KRT37: variants seen among roughly 807,000 people sequenced by gnomAD.
KRT37 encodes the protein keratin, type I cuticular Ha7.
KRT37 carries 38 observed loss-of-function variants against 41.9 expected under a neutral mutation model. The observed-to-expected ratio is 0.91, with a 90% CI of 0.70 to 1.19. The LOEUF is 1.19. Ranked by LOEUF, KRT37 falls within the 50% of genes most tolerant of loss-of-function variation. KRT37 has a pLI of 0.00. For missense variants in KRT37, 580 were observed against 575.5 expected, an observed-to-expected ratio of 1.01 and a Z score of -0.08; for synonymous variants, 252 against 243.4, an observed-to-expected ratio of 1.04 and a Z score of -0.33.
Position 41,423,744 on chromosome 17 carries a change from C to T in KRT37, c.575+18G>A. 6.2e-7 allele frequency: 1 copy of T among 1,610,912 alleles called. No individual in the cohort carries two copies. Among genetic ancestry groups the T allele is most frequent in the East Asian group, 2.2e-5 (1 of 44,874 alleles). On this transcript the variant is annotated intron_variant, in intron 2 of 6. Transcript: ENST00000225550. ...CAGCAGGAGAGAAGTCACACTGACC[C>T]TCCTCATCCTGACTTACTTGATCCT...
chr17:41,424,392 G>A lies in KRT37; in HGVS notation c.132C>T (p.Cys44=), dbSNP rs753314094. ...PVAEANAASM[C]LLANVAHANR... is the part of the protein sequence containing the mutation. ...TGGCGTGTGCCACGTTGGCCAAGAG[G>A]CACATGGAGGCAGCATTGGCCTCTG... is the stretch of plus-strand genomic sequence containing the variant. The change falls in exon 1 of 7, where the codon TGC becomes TGT. Residue 44 remains cysteine, a synonymous_variant. Coordinates refer to ENST00000225550, the MANE Select transcript of KRT37 (RefSeq NM_003770.5). 4 of 1,613,782 alleles carry A rather than the reference G, an allele frequency of 2.5e-6. No homozygotes were observed. Among genetic ancestry groups the A allele is most frequent in the Non-Finnish European group, 3.4e-6 (4 of 1,179,726 alleles).
At position 41,422,854 on chromosome 17, in the gene KRT37, A is replaced by G. The variant is rs556300252; in HGVS notation, c.656T>C (p.Leu219Pro). 1.9e-6 allele frequency: 3 copies of G among 1,614,110 alleles called. No homozygotes were observed. In the South Asian group the frequency reaches 3.3e-5, roughly 18 times the overall value. ...CTGGGCCTCCAGGTCGGCCTTGGCC[A>G]GGGTCGCGTCATCCAGGAGCTTCTG... is the stretch of plus-strand genomic sequence containing the variant. ...GTQKLLDDAT[L>P]AKADLEAQQE... is the part of the protein sequence containing the mutation. Residue 219 changes from leucine to proline, a missense_variant, in exon 3 of 7, where the codon CTG becomes CCG. Leu to Pro is a moderately conservative substitution (Grantham distance 98, BLOSUM62 -3). Transcript: ENST00000225550.
intron 5 of KRT37, 49 bp from the exon 6 acceptor site, chr17:41,421,636 G>T: frequency 1.3e-6 from 2 of 1,572,954 alleles, no homozygotes; most frequent in Non-Finnish European, 1.7e-6. Context: ...CCAAAACTCA[G>T]CAGTGAAAAT....
chr17:41,423,275 C>A, intron 2 of KRT37: 1 of 299,010 alleles, frequency 3.3e-6, no homozygotes, highest in East Asian at 5.9e-5. Context: ...AAAAATAAGC[C>A]TCTGGACCTT....
In KRT37 at chr17:41,424,084, A is replaced by G. The variant is rs564009185; in HGVS notation, c.440T>C (p.Val147Ala). 50 of 1,614,192 alleles carry G rather than the reference A, an allele frequency of 3.1e-5. No homozygotes were observed. The South Asian group carries it at 4.4e-4, about 14-fold the overall frequency. ...LERSKCHEST[V>A]CPDYQSYFRT... is the part of the protein sequence containing the mutation. The stretch of plus-strand genomic sequence containing the variant: ...GAAGTAGGACTGGTAGTCGGGGCAC[A>G]CGGTGGACTCGTGGCACTTGCTCCT... Residue 147 changes from valine (V) to alanine (A), a missense_variant, in exon 1 of 7, where the codon GTG becomes GCG. Coordinates refer to ENST00000225550, the MANE Select transcript of KRT37 (RefSeq NM_003770.5).
intron 2 of KRT37, chr17:41,423,244 T>G: frequency 2.9e-6 from 1 of 344,292 alleles, no homozygotes; most frequent in Non-Finnish European, 5.2e-6. Flanking sequence ...AGGAGTCATT[T>G]GGCCAGGAAA....
At chr17:41,423,559 C>G in intron 2 of KRT37, 1 of 571,526 alleles carries the variant, frequency 1.7e-6, no homozygotes, top group Admixed American at 3.1e-5. Flanking sequence ...GACTACAGCC[C>G]TTCTTTTTCT....
chr17:41,422,500 A>G (rs1567690591), intron 3 of KRT37, 66 bp from the exon 4 acceptor site: 1 of 1,582,690 alleles, frequency 6.3e-7, no homozygotes, highest in Non-Finnish European at 8.6e-7. Flanking sequence ...AGACAGCACC[A>G]GGACTCCGTC....
At position 41,423,838 on chromosome 17, in the gene KRT37, A is replaced by C. The variant is rs2018575225; in HGVS notation, c.499T>G (p.Cys167Gly). The change falls in exon 2 of 7, where the codon TGC (cysteine) becomes GGC (glycine). Residue 167 changes from cysteine (C) to glycine (G), a missense_variant. Physicochemically the swap from Cys to Gly is radical, Grantham distance 159. Transcript: ENST00000225550. ...TIEELQQKIL[C>G]SKAENARLIV... ...AGCCTGGCATTCTCAGCCTTGCTGC[A>C]CAGGATCTGAGGAAAACGGAAAGAC... 6.8e-6 allele frequency: 11 copies of C among 1,614,212 alleles called. No individual in the cohort carries two copies. The highest frequency in any genetic ancestry group is 9.3e-6 in the Non-Finnish European group (11 of 1,180,026).
intron 2 of KRT37, 37 bp downstream of exon 2, chr17:41,423,725 G>T: frequency 6.3e-7 from 1 of 1,590,246 alleles, no homozygotes; most frequent in South Asian, 1.1e-5. Flanking sequence ...AATACAGCAG[G>T]AGAGAAGTCA....
intron 5 of KRT37, 37 bp downstream of exon 5, chr17:41,422,032 G>C: frequency 6.2e-7 from 1 of 1,613,910 alleles, no homozygotes; most frequent in Non-Finnish European, 8.5e-7. Context: ...ACATGGCATG[G>C]GGCATTTGCA....
chr17:41,423,483 A>T (rs1024414684), intron 2 of KRT37: 2 of 415,984 alleles, frequency 4.8e-6, no homozygotes. Flanking sequence ...TTTACTTCTG[A>T]TTGAAAAGCA....
At chr17:41,421,812 A>G (rs527679419) in intron 5 of KRT37, among the ~76,000 whole-genome samples, 1 of 152,360 alleles carries the variant, frequency 6.6e-6, no homozygotes, top group South Asian at 2.1e-4. Flanking sequence ...CTTGACAAAA[A>G]GCAGGCACCT....
Position 41,421,390 on chromosome 17 carries a change from G to A in KRT37, c.1218C>T (p.Asn406=). The A allele has an allele frequency of 1.2e-6, 2 of 1,614,212 alleles. No homozygotes were observed. The highest frequency in any genetic ancestry group is 1.1e-5 in the South Asian group (1 of 91,084). Reference sequence around the variant, plus strand: ...ACTTGCAGTCCTCGCTCTCCAGAAGGTTCCGGTATGTGGCAATCTCGTTCT... The same window carrying A: ...ACTTGCAGTCCTCGCTCTCCAGAAGATTCCGGTATGTGGCAATCTCGTTCT... ...RLENEIATYR[N]LLESEDCKLP... Residue 406 remains asparagine, a synonymous_variant, in exon 6 of 7, where the codon AAC becomes AAT. Transcript: ENST00000225550.
rs373636195 is a variant in KRT37, at chr17:41,424,017, G to A, written c.492+15C>T. ...CTTCTCAGACCCAGCATGCCCAGGC[G>A]ATCCCACACCTCACCTTCTGCTGGA... On this transcript the variant is annotated intron_variant, in intron 1 of 6. Transcript: ENST00000225550. 5.0e-6 allele frequency: 8 copies of A among 1,609,404 alleles called. No individual in the cohort carries two copies. Among genetic ancestry groups the A allele is most frequent in the Admixed American group, 1.7e-5 (1 of 59,812 alleles).
rs114914358 is a variant in KRT37, at chr17:41,422,895, C to T, written c.615G>A (p.Ala205=). ...SERSLHQLVE[A]DKCGTQKLLD... ...GGAGCTTCTGCGTCCCGCACTTGTCCGCCTCCACCAGCTGGTGAAGGGAGC... is the reference window on the plus strand; with the variant it reads ...GGAGCTTCTGCGTCCCGCACTTGTCTGCCTCCACCAGCTGGTGAAGGGAGC... Residue 205 remains alanine (A), a synonymous_variant, in exon 3 of 7, where the codon GCG becomes GCA. Transcript: ENST00000225550. The T allele has an allele frequency of 1.4e-3, 2,219 of 1,614,050 alleles. 30 individuals are homozygous for T. In the African/African-American group the frequency reaches 0.026, roughly 19 times the overall value.
chr17:41,421,369 G>GCTCTC lies in KRT37; in HGVS notation c.1238_1239insGAGAG (p.Cys413TrpfsTer46). 6.2e-7 allele frequency: 1 copy of GCTCTC among 1,614,166 alleles called. No individual in the cohort carries two copies. The highest frequency in any genetic ancestry group is 8.5e-7 in the Non-Finnish European group (1 of 1,179,986). On this transcript the variant is annotated frameshift_variant, in exon 6 of 7. Coordinates refer to ENST00000225550, the MANE Select transcript of KRT37 (RefSeq NM_003770.5). LOFTEE classifies it low-confidence loss of function (END_TRUNC). ...GGAATTGCCCAGATCACACGTACTT[G>GCTCTC]CAGTCCTCGCTCTCCAGAAGGTTCC...
intron 2 of KRT37, chr17:41,423,475 T>G (rs1597720859): frequency 2.5e-6 from 1 of 402,980 alleles, no homozygotes; most frequent in Non-Finnish European, 4.4e-6. Flanking sequence ...GACTCAATTT[T>G]ACTTCTGATT....
chr17:41,422,723 A>T, intron 3 of KRT37, 55 bp downstream of exon 3: 3 of 1,452,082 alleles, frequency 2.1e-6, no homozygotes, highest in Non-Finnish European at 2.8e-6. Flanking sequence ...AGGGCCGGGG[A>T]GCTCCCCTGT....
Sources: allele counts gnomAD v4.1 joint callset (sites outside exome capture counted in the v4.1 genomes callset), GRCh38; gene constraint gnomAD v4.1.1; transcripts MANE v1.5; gene names NCBI Gene and HGNC (gene_info 2026-07-23, HGNC 2026-07-21).